The following COG5 variants were observed in gnomAD, a reference collection of about 807,000 sequenced individuals.
COG5 encodes the protein conserved oligomeric Golgi complex subunit 5.
In COG5, 86 loss-of-function variants were observed where a neutral mutation model predicts 110.4. The observed-to-expected ratio is 0.78, with a 90% CI of 0.65 to 0.93. The LOEUF (loss-of-function observed/expected upper bound fraction) is 0.93, where lower values mean the gene tolerates loss of function less well. Ranked by LOEUF, COG5 falls within the 40% of genes least tolerant of loss-of-function variation. COG5 has a pLI of 0.00. For synonymous variants in COG5, 360 were observed against 334.6 expected, an observed-to-expected ratio of 1.08 and a Z score of -0.83; for missense variants, 1,077 against 987.0, an observed-to-expected ratio of 1.09 and a Z score of -1.22.
chr7:107,561,886 G>A (rs546931535), intron 1 of COG5, among the ~76,000 whole-genome samples: 114 of 152,222 alleles, frequency 7.5e-4, no homozygotes, highest in African/African-American at 2.6e-3. Context: ...TGAGCCAGGA[G>A]AATGGCGTGA....
chr7:107,308,993 A>G (rs1221798365), intron 11 of COG5, among the ~76,000 whole-genome samples: 1 of 151,914 alleles, frequency 6.6e-6, no homozygotes, highest in Admixed American at 6.6e-5. Flanking sequence ...CCATTTCCTC[A>G]TGGAATTATG....
At chr7:107,289,535 TCAGCTGAG>T (rs1026306250) in intron 12 of COG5, among the ~76,000 whole-genome samples, 2 of 152,172 alleles carry the variant, frequency 1.3e-5, no homozygotes, top group African/African-American at 4.8e-5. Context: ...TACAAAGAAC[TCAGCTGAG>T]ATTCTGATAG....
At chr7:107,370,781 TA>T (rs71314692) in intron 8 of COG5, among the ~76,000 whole-genome samples, 37 of 101,538 alleles carry the variant, frequency 3.6e-4, no homozygotes, top group African/African-American at 6.0e-4. Flanking sequence ...AAACTCCAGC[TA>T]AAAAAAAAAA....
At chr7:107,307,228 C>T (rs148975868) in intron 11 of COG5, among the ~76,000 whole-genome samples, 116 of 152,278 alleles carry the variant, frequency 7.6e-4, no homozygotes, top group African/African-American at 2.6e-3. Context: ...TTGCCAACAA[C>T]AGTGGGCGTT....
At chr7:107,212,850 C>A (rs562864585) in intron 19 of COG5, among the ~76,000 whole-genome samples, 1 of 152,276 alleles carries the variant, frequency 6.6e-6, no homozygotes, top group South Asian at 2.1e-4. Flanking sequence ...CCATATCACT[C>A]CTCCCACTCC....
At chr7:107,256,629 T>G in intron 16 of COG5, 103 bp downstream of exon 16, 1 of 742,990 alleles carries the variant, frequency 1.3e-6, no homozygotes, top group Non-Finnish European at 2.4e-6. Flanking sequence ...TTTGTATATA[T>G]AGAGGATTCT....
In COG5 at chr7:107,256,886, A is replaced by T. The variant is rs918450116; in HGVS notation, c.1687-92T>A. 28 of 827,786 alleles carry T rather than the reference A, an allele frequency of 3.4e-5. No individual in the cohort carries two copies. In the South Asian group the frequency reaches 3.7e-4, roughly 11 times the overall value. The allele number at this position is 827,786 out of a possible 1,614,324, so 51.3% of individuals were successfully genotyped here. ...CATAGCATAATAAAGCTGTTTCCAC[A>T]AAGTATATATACAATATTATCATTG... On this transcript the variant is annotated intron_variant, in intron 15 of 21. Transcript: ENST00000297135.
intron 16 of COG5, among the ~76,000 whole-genome samples, chr7:107,249,741 T>TAC (rs1562933280): frequency 2.0e-5 from 3 of 149,302 alleles, no homozygotes; most frequent in Non-Finnish European, 4.5e-5. Flanking sequence ...TGTGTGTGTA[T>TAC]ACATATAGTT....
At chr7:107,336,640 T>C (rs1404147283) in intron 10 of COG5, among the ~76,000 whole-genome samples, 1 of 152,220 alleles carries the variant, frequency 6.6e-6, no homozygotes, top group Non-Finnish European at 1.5e-5. Context: ...TTAACACATA[T>C]ACCTGAAAAT....
chr7:107,375,215 T>C (rs1188617351), intron 7 of COG5, among the ~76,000 whole-genome samples: 3 of 152,082 alleles, frequency 2.0e-5, no homozygotes, highest in Non-Finnish European at 4.4e-5. Flanking sequence ...GATTCATTTC[T>C]TACTGCTGTG....
intron 10 of COG5, among the ~76,000 whole-genome samples, chr7:107,345,280 T>C (rs571409988): frequency 2.6e-5 from 4 of 152,184 alleles, no homozygotes; most frequent in Non-Finnish European, 5.9e-5. Context: ...AACAAAAAAA[T>C]TTGAAATATT....
chr7:107,322,220 G>A (rs1809360945), intron 11 of COG5, among the ~76,000 whole-genome samples: 1 of 152,154 alleles, frequency 6.6e-6, no homozygotes, highest in African/African-American at 2.4e-5. Flanking sequence ...GAGGTGATGA[G>A]GTCAGGGGGA....
chr7:107,220,759 C>A (rs1342262334), intron 19 of COG5, among the ~76,000 whole-genome samples: 1 of 151,968 alleles, frequency 6.6e-6, no homozygotes, highest in East Asian at 1.9e-4. Context: ...GTCTGGTGTG[C>A]CCAGGCCCTG....
chr7:107,561,848 C>A (rs562667497), intron 1 of COG5, among the ~76,000 whole-genome samples: 10 of 152,084 alleles, frequency 6.6e-5, no homozygotes, highest in African/African-American at 2.2e-4. Flanking sequence ...TAGTGATGGG[C>A]GCTTGTAGTC....
At chr7:107,329,876 C>T (rs1322387086) in intron 10 of COG5, among the ~76,000 whole-genome samples, 1 of 152,112 alleles carries the variant, frequency 6.6e-6, no homozygotes, top group Admixed American at 6.6e-5. Context: ...GCCTGGATGA[C>T]AGAATAAGAC....
chr7:107,414,363 C>T (rs941398961), intron 6 of COG5, among the ~76,000 whole-genome samples: 1 of 152,050 alleles, frequency 6.6e-6, no homozygotes, highest in Admixed American at 6.6e-5. Context: ...TGAAACTAAT[C>T]TATTTGAATT....
At chr7:107,385,811 T>C (rs896196828) in intron 7 of COG5, among the ~76,000 whole-genome samples, 1 of 151,456 alleles carries the variant, frequency 6.6e-6, no homozygotes. Context: ...TTTTCTTTTT[T>C]TTTTTTTTTT....
At chr7:107,381,553 C>T (rs146346802) in intron 7 of COG5, among the ~76,000 whole-genome samples, 12 of 152,308 alleles carry the variant, frequency 7.9e-5, no homozygotes, top group African/African-American at 2.4e-4. Flanking sequence ...TTTTGCAATT[C>T]ACAGACAATT....
At chr7:107,268,294 CAAT>C (rs1303184698) in intron 14 of COG5, among the ~76,000 whole-genome samples, 1 of 152,124 alleles carries the variant, frequency 6.6e-6, no homozygotes, top group African/African-American at 2.4e-5. Flanking sequence ...TATAGTCCAA[CAAT>C]AATATTCAGT....
Sources: gnomAD v4.1 joint callset for allele counts (sites outside exome capture counted in the v4.1 genomes callset) on GRCh38, gnomAD v4.1.1 for gene constraint, MANE v1.5 for transcripts, NCBI Gene and HGNC (gene_info 2026-07-23, HGNC 2026-07-21) for gene names.